RBFOX2: variants seen among roughly 807,000 people sequenced by gnomAD.
The protein encoded by RBFOX2 is RNA binding protein fox-1 homolog 2.
A neutral mutation model predicts 49.1 loss-of-function variants in RBFOX2; 10 were observed. That is an observed-to-expected ratio of 0.20 (90% CI 0.13 to 0.35). RBFOX2 has a LOEUF of 0.35. Among genes scored for constraint, RBFOX2 ranks in the 10% least tolerant of loss-of-function variants. RBFOX2 has a pLI of 1.00. For missense variants in RBFOX2, 323 were observed against 486.9 expected, an observed-to-expected ratio of 0.66 and a Z score of 3.17; for synonymous variants, 183 against 187.4, an observed-to-expected ratio of 0.98 and a Z score of 0.19.
chr22:35,763,730 A>G (rs757437462), intron 6 of RBFOX2, among the ~76,000 whole-genome samples: 31 of 152,228 alleles, frequency 2.0e-4, no homozygotes, highest in Non-Finnish European at 4.0e-4. Flanking sequence ...TCTGAGGTCA[A>G]TACTATACTT....
exon 12 of RBFOX2, chr22:35,738,742 TTC>T (rs1234690936): frequency 2.6e-5 from 4 of 151,770 alleles, no homozygotes; most frequent in Non-Finnish European, 5.9e-5. Context: ...AGAATGGTGT[TTC>T]TCTCTTTTAT....
At chr22:36,008,292 A>G (rs1237347220) in intron 1 of RBFOX2, among the ~76,000 whole-genome samples, 2 of 152,204 alleles carry the variant, frequency 1.3e-5, no homozygotes, top group Non-Finnish European at 2.9e-5. Flanking sequence ...AGCATCTAGC[A>G]ATGTTTAACA....
At chr22:35,803,931 C>G (rs1231584121) in intron 2 of RBFOX2, among the ~76,000 whole-genome samples, 2 of 152,124 alleles carry the variant, frequency 1.3e-5, no homozygotes, top group African/African-American at 4.8e-5. Context: ...TGTTTAGGTT[C>G]AGACTGAATT....
At chr22:35,916,938 A>G (rs6000034) in intron 1 of RBFOX2, among the ~76,000 whole-genome samples, 20,824 of 152,060 alleles carry the variant, frequency 0.14, 3,116 homozygotes, top group African/African-American at 0.37. Context: ...CATTAGCACA[A>G]TACCTGATGC....
intron 1 of RBFOX2, among the ~76,000 whole-genome samples, chr22:35,922,758 C>G (rs1418084307): frequency 6.6e-6 from 1 of 152,050 alleles, no homozygotes; most frequent in Non-Finnish European, 1.5e-5. Context: ...AATTTCGGTA[C>G]CCACAAATAA....
chr22:35,856,985 T>C (rs890293226), intron 1 of RBFOX2, among the ~76,000 whole-genome samples: 2 of 152,044 alleles, frequency 1.3e-5, no homozygotes, highest in African/African-American at 4.8e-5. Flanking sequence ...TGAGCCGAGA[T>C]TGCACCACTG....
chr22:35,970,481 CA>C (rs745706842), intron 1 of RBFOX2, among the ~76,000 whole-genome samples: 346 of 115,782 alleles, frequency 3.0e-3, no homozygotes, highest in Non-Finnish European at 3.5e-3. Context: ...AGACCCATCT[CA>C]AAAAAAAAAA....
intron 1 of RBFOX2, among the ~76,000 whole-genome samples, chr22:35,810,482 G>A (rs1402259475): frequency 1.3e-5 from 2 of 151,062 alleles, no homozygotes; most frequent in African/African-American, 4.9e-5. Flanking sequence ...GTCCCAGAGT[G>A]GGTTAACCAA....
intron 2 of RBFOX2, among the ~76,000 whole-genome samples, chr22:35,786,927 C>G (rs996253149): frequency 6.6e-6 from 1 of 152,196 alleles, no homozygotes; most frequent in African/African-American, 2.4e-5. Flanking sequence ...ACGAACCCCA[C>G]CCCTCTCTTA....
chr22:35,938,746 T>C (rs2053380315), intron 1 of RBFOX2, 101 bp downstream of exon 2: 1 of 1,156,682 alleles, frequency 8.6e-7, no homozygotes, highest in Non-Finnish European at 1.3e-6. Context: ...ACATTTCCTT[T>C]CAAAGTAAGT....
intron 1 of RBFOX2, among the ~76,000 whole-genome samples, chr22:36,011,354 T>G (rs754311297): frequency 9.2e-4 from 140 of 152,268 alleles, no homozygotes; most frequent in Non-Finnish European, 1.6e-3. Context: ...AATCCTGGGA[T>G]TTCATGATTC....
At chr22:35,841,174 T>C (rs1359631674), upstream of RBFOX2, among the ~76,000 whole-genome samples, 2 of 152,240 alleles carry the variant, frequency 1.3e-5, no homozygotes, top group Non-Finnish European at 2.9e-5. Flanking sequence ...CCAGCTTCAA[T>C]AAAATTTTGG....
intron 1 of RBFOX2, among the ~76,000 whole-genome samples, chr22:35,880,070 C>T (rs1383426765): frequency 6.6e-6 from 1 of 152,010 alleles, no homozygotes; most frequent in Non-Finnish European, 1.5e-5. Context: ...TCACAAGAAT[C>T]GCTTGAACCT....
chr22:35,760,076 C>A, intron 8 of RBFOX2, 56 bp from the exon 10 acceptor site: 1 of 1,599,372 alleles, frequency 6.3e-7, no homozygotes, highest in Non-Finnish European at 8.6e-7. Flanking sequence ...ATAGAAGGTG[C>A]ACAGTCACAA....
chr22:35,774,424 T>G (rs1943406975), intron 4 of RBFOX2, among the ~76,000 whole-genome samples: 2 of 152,150 alleles, frequency 1.3e-5, no homozygotes, highest in Admixed American at 1.3e-4. Context: ...CCATCATATA[T>G]CTTAATAGTA....
chr22:35,955,834 C>A (rs1603457941), intron 1 of RBFOX2, among the ~76,000 whole-genome samples: 2 of 152,282 alleles, frequency 1.3e-5, no homozygotes, highest in Middle Eastern at 6.8e-3. Flanking sequence ...ATTCTCATAC[C>A]TGCTTCTGCA....
intron 1 of RBFOX2, among the ~76,000 whole-genome samples, chr22:35,876,555 C>A (rs1340752368): frequency 6.6e-6 from 1 of 152,026 alleles, no homozygotes; most frequent in Non-Finnish European, 1.5e-5. Context: ...TAAACGGATG[C>A]CTAAATGGGT....
intron 1 of RBFOX2, among the ~76,000 whole-genome samples, chr22:36,019,611 G>A (rs559520340): frequency 3.3e-5 from 5 of 152,314 alleles, no homozygotes; most frequent in African/African-American, 1.2e-4. Flanking sequence ...ATGTTGAATA[G>A]CTCATTCATT....
intron 1 of RBFOX2, among the ~76,000 whole-genome samples, chr22:35,955,640 G>A (rs977446594): frequency 6.6e-6 from 1 of 152,036 alleles, no homozygotes; most frequent in South Asian, 2.1e-4. Context: ...TCCCTCGCAC[G>A]CGCAGTTCAC....
Sources: allele counts gnomAD v4.1 joint callset (sites outside exome capture counted in the v4.1 genomes callset), GRCh38; gene constraint gnomAD v4.1.1; transcripts MANE v1.5; gene names NCBI Gene and HGNC (gene_info 2026-07-23, HGNC 2026-07-21).